TMIGD3: variants seen among roughly 807,000 people sequenced by gnomAD.
The protein encoded by TMIGD3 is transmembrane and immunoglobulin domain containing 3, also known as AD026 protein (AD026).
In TMIGD3, 21 loss-of-function variants were observed where a neutral mutation model predicts 28.1. The observed-to-expected ratio is 0.75, with a 90% CI of 0.53 to 1.08. The LOEUF (loss-of-function observed/expected upper bound fraction) is 1.08. TMIGD3 is among the 50% of genes least tolerant of loss of function. The pLI is 0.00. For synonymous variants in TMIGD3, 151 were observed against 162.1 expected, an observed-to-expected ratio of 0.93 and a Z score of 0.52; for missense variants, 416 against 435.6, an observed-to-expected ratio of 0.96 and a Z score of 0.40.
At chr1:111,537,359 G>T (rs772347069) in intron 1 of TMIGD3, among the ~76,000 whole-genome samples, 45 of 152,310 alleles carry the variant, frequency 3.0e-4, no homozygotes, top group Middle Eastern at 3.4e-3. Context: ...TAAATATCTT[G>T]TGTTGGATTC....
At chr1:111,510,612 CT>C in intron 1 of TMIGD3, among the ~76,000 whole-genome samples, 1 of 152,080 alleles carries the variant, frequency 6.6e-6, no homozygotes, top group Non-Finnish European at 1.5e-5. Flanking sequence ...TCTAGGATGC[CT>C]TTGTGCCCCA....
rs761601964 is a variant in TMIGD3 at position 111,490,751 on chromosome 1, G to A, written c.362C>T (p.Pro121Leu). The A allele has an allele frequency of 9.9e-6, 16 of 1,613,318 alleles. No individual in the cohort carries two copies. Among genetic ancestry groups the A allele is most frequent in the Middle Eastern group, 3.3e-4 (2 of 6,062 alleles). ...TGATAGAATGCACCCAGGGAGCCCA[G>A]GAATTCTGAATCTGTTTAAGGGAAA... The part of the protein sequence containing the change: ...RVKLTVRFRI[P>L]GLPGCILSFQ... The change falls in exon 2 of 6, where the codon CCT (proline) becomes CTT (leucine). Residue 121 changes from proline (P) to leucine (L), a missense_variant. By Grantham distance (98) the Pro-to-Leu change is moderately conservative. Coordinates refer to ENST00000369716, the MANE Select transcript of TMIGD3 (RefSeq NM_020683.7).
intron 1 of TMIGD3, among the ~76,000 whole-genome samples, chr1:111,542,991 G>A (rs1488498468): frequency 6.6e-6 from 1 of 152,114 alleles, no homozygotes; most frequent in Non-Finnish European, 1.5e-5. Context: ...GTGAGCCATG[G>A]CGCCCGGCCA....
At chr1:111,537,748 A>T (rs1222923729) in intron 1 of TMIGD3, among the ~76,000 whole-genome samples, 1 of 152,248 alleles carries the variant, frequency 6.6e-6, no homozygotes, top group Non-Finnish European at 1.5e-5. Flanking sequence ...ACATCTCTGA[A>T]AGAGCAATCT....
intron 1 of TMIGD3, among the ~76,000 whole-genome samples, chr1:111,550,106 G>T (rs2101034572): frequency 6.6e-6 from 1 of 152,230 alleles, no homozygotes; most frequent in East Asian, 1.9e-4. Context: ...TATAAAATTT[G>T]TTGTCATGCA....
chr1:111,493,081 G>C (rs1277851528), intron 1 of TMIGD3, among the ~76,000 whole-genome samples: 1 of 152,080 alleles, frequency 6.6e-6, no homozygotes, highest in Non-Finnish European at 1.5e-5. Flanking sequence ...AGTCAGGCAG[G>C]GTAAGTGGAT....
chr1:111,488,629 C>T lies in TMIGD3; in HGVS notation c.805+48G>A, dbSNP rs1186764468. 4 of 1,535,734 alleles carry T rather than the reference C, an allele frequency of 2.6e-6. No homozygotes were observed. In the Admixed American group the frequency reaches 5.2e-5, roughly 20 times the overall value. On this transcript the variant is annotated intron_variant, in intron 3 of 5. Transcript: ENST00000369716. The stretch of plus-strand genomic sequence containing the variant: ...GAGAGTGCTCTCTTAGCAGCAAACA[C>T]CCATGGCTGTGGGTTACATCCAGCC...
At chr1:111,560,824 A>G (rs1277994026) in intron 1 of TMIGD3, among the ~76,000 whole-genome samples, 1 of 152,142 alleles carries the variant, frequency 6.6e-6, no homozygotes, top group East Asian at 1.9e-4. Context: ...TTAGAGACCA[A>G]GGAAAATGTA....
intron 1 of TMIGD3, chr1:111,542,521 T>G: frequency 5.0e-6 from 1 of 199,330 alleles, no homozygotes; most frequent in South Asian, 8.0e-5. Context: ...TGGGAAATTT[T>G]TATTTCATTT....
chr1:111,508,120 TCACTCTGAGCAACAGGAAATCCTG>T (rs1157297547), upstream of TMIGD3, among the ~76,000 whole-genome samples: 1 of 152,234 alleles, frequency 6.6e-6, no homozygotes. Flanking sequence ...CAAGGTTCCT[TCACTCTGAGCAACAGGAAATCCTG>T]CCCCACGAAG....
intron 1 of TMIGD3, among the ~76,000 whole-genome samples, chr1:111,497,171 C>G (rs1186320778): frequency 1.3e-5 from 2 of 152,154 alleles, no homozygotes; most frequent in African/African-American, 2.4e-5. Context: ...AGTGCAGTGG[C>G]ACGATCTCGG....
At chr1:111,563,900 C>A in exon 1 of TMIGD3, 1 of 1,613,908 alleles carries the variant, frequency 6.2e-7, no homozygotes, top group Non-Finnish European at 8.5e-7. Flanking sequence ...TTCCCAGGAG[C>A]TTTCCCACCT....
chr1:111,506,913 T>TATATA, upstream of TMIGD3, among the ~76,000 whole-genome samples: 1 of 121,908 alleles, frequency 8.2e-6, no homozygotes, highest in Non-Finnish European at 1.6e-5. Context: ...TATATATATA[T>TATATA]TATATATATA....
At chr1:111,506,034 T>G (rs1400365785), upstream of TMIGD3, among the ~76,000 whole-genome samples, 1 of 152,114 alleles carries the variant, frequency 6.6e-6, no homozygotes, top group African/African-American at 2.4e-5. Flanking sequence ...GCAGGGCCCT[T>G]CTCCCCCAAG....
At chr1:111,490,103 T>C (rs1417411533) in intron 2 of TMIGD3, among the ~76,000 whole-genome samples, 1 of 152,148 alleles carries the variant, frequency 6.6e-6, no homozygotes, top group Non-Finnish European at 1.5e-5. Flanking sequence ...TCAGCAACTC[T>C]AAATGCCACA....
In TMIGD3 at chr1:111,526,711, G is replaced by T. The variant is rs542983946; in HGVS notation, c.108-35949C>A. 2.0e-5 allele frequency among the ~76,000 whole-genome samples: 3 copies of T among 152,236 alleles called. No homozygotes were observed. The South Asian group carries it at 6.2e-4, about 32-fold the overall frequency. ...CCCAAAGTTCACACTTTATATTAGGGTTCACTGTTGATGTTGTTCATTCAT... is the reference window on the plus strand; with the variant it reads ...CCCAAAGTTCACACTTTATATTAGGTTTCACTGTTGATGTTGTTCATTCAT... On this transcript the variant is annotated intron_variant, in intron 1 of 5. Transcript: ENST00000369717.
At chr1:111,522,202 C>A (rs1296617135) in intron 1 of TMIGD3, among the ~76,000 whole-genome samples, 1 of 152,124 alleles carries the variant, frequency 6.6e-6, no homozygotes, top group Non-Finnish European at 1.5e-5. Context: ...ATTGGTACTC[C>A]AACTTGGTTC....
At chr1:111,540,548 T>C (rs754825368) in intron 1 of TMIGD3, among the ~76,000 whole-genome samples, 6 of 152,252 alleles carry the variant, frequency 3.9e-5, no homozygotes, top group Non-Finnish European at 7.3e-5. Context: ...TTCTGGGTTC[T>C]GGTTGGTGGT....
At chr1:111,542,247 G>A (rs1196399389) in intron 1 of TMIGD3, 2 of 608,704 alleles carry the variant, frequency 3.3e-6, no homozygotes, top group Non-Finnish European at 6.1e-6. Flanking sequence ...AAACACTGGC[G>A]GCACATATTG....
Sources: allele counts gnomAD v4.1 joint callset (sites outside exome capture counted in the v4.1 genomes callset), GRCh38; gene constraint gnomAD v4.1.1; transcripts MANE v1.5; gene names NCBI Gene and HGNC (gene_info 2026-07-23, HGNC 2026-07-21).